SKP1: variants seen among roughly 807,000 people sequenced by gnomAD.
SKP1 encodes S-phase kinase associated protein 1.
In SKP1, 1 loss-of-function variant was observed where a neutral mutation model predicts 21.5. The observed-to-expected ratio is 0.05, with a 90% CI of 0.02 to 0.22. SKP1 has a LOEUF of 0.22. Ranked by LOEUF, SKP1 falls within the 10% of genes least tolerant of loss-of-function variation. The pLI, the probability that SKP1 is intolerant of heterozygous loss-of-function variation, is 1.00. For missense variants in SKP1, 70 were observed against 192.0 expected, an observed-to-expected ratio of 0.36 and a Z score of 3.76; for synonymous variants, 59 against 59.3, an observed-to-expected ratio of 0.99 and a Z score of 0.03.
At chr5:134,171,671 G>A (rs188348475) in intron 2 of SKP1, among the ~76,000 whole-genome samples, 1 of 152,162 alleles carries the variant, frequency 6.6e-6, no homozygotes, top group Non-Finnish European at 1.5e-5. Flanking sequence ...ACTAAAAACC[G>A]TATTTTCACT....
At chr5:134,157,866 G>C in intron 5 of SKP1, 98 bp from the exon 6 acceptor site, 2 of 1,608,102 alleles carry the variant, frequency 1.2e-6, no homozygotes, top group African/African-American at 2.7e-5. Flanking sequence ...AGTGAGTTGA[G>C]TCAGAAGAAC....
intron 2 of SKP1, among the ~76,000 whole-genome samples, chr5:134,169,739 C>T (rs913534134): frequency 6.6e-6 from 1 of 152,194 alleles, no homozygotes; most frequent in Non-Finnish European, 1.5e-5. Flanking sequence ...TGGCGGCTCA[C>T]GCCTGTAATC....
chr5:134,163,370 G>T (rs560838588), intron 3 of SKP1, among the ~76,000 whole-genome samples: 2 of 151,918 alleles, frequency 1.3e-5, no homozygotes, highest in African/African-American at 2.4e-5. Flanking sequence ...TACTTTGTGG[G>T]GGGAGCAGTT....
chr5:134,159,641 G>A (rs560689645), intron 4 of SKP1, among the ~76,000 whole-genome samples: 16 of 151,588 alleles, frequency 1.1e-4, no homozygotes, highest in Admixed American at 3.9e-4. Context: ...TCCACCTCCC[G>A]GGTTCATGCC....
chr5:134,169,899 G>A (rs1402811074), intron 2 of SKP1, among the ~76,000 whole-genome samples: 3 of 152,242 alleles, frequency 2.0e-5, no homozygotes, highest in Non-Finnish European at 4.4e-5. Context: ...TACTCAGGAG[G>A]CTGAGGCAGA....
intron 3 of SKP1, among the ~76,000 whole-genome samples, chr5:134,162,882 G>A (rs988995037): frequency 6.6e-6 from 1 of 151,770 alleles, no homozygotes; most frequent in African/African-American, 2.4e-5. Context: ...AGAATAGCCT[G>A]GGCAATATAG....
chr5:134,168,111 A>T (rs1464983959), intron 2 of SKP1, among the ~76,000 whole-genome samples: 1 of 152,240 alleles, frequency 6.6e-6, no homozygotes, highest in Non-Finnish European at 1.5e-5. Flanking sequence ...GTGTGAGTAC[A>T]CAAATAAAGG....
At chr5:134,175,078 A>G (rs980112655) in intron 1 of SKP1, 2 of 152,200 alleles carry the variant, frequency 1.3e-5, no homozygotes, top group Admixed American at 6.5e-5. Context: ...CAAATCGCAT[A>G]TATTTTCCCA....
Position 134,151,500 on chromosome 5 carries a change from A to C in SKP1, c.*6233T>G, listed in dbSNP as rs989593066. 3.1e-6 allele frequency: 1 copy of C among 325,112 alleles called. No individual in the cohort carries two copies. The highest frequency in any genetic ancestry group is 2.2e-5 in the African/African-American group (1 of 45,276). The allele number at this position is 325,112 out of a possible 1,614,324, so 20.1% of individuals were successfully genotyped here. On this transcript the variant is annotated 3_prime_UTR_variant, in exon 6 of 6. Coordinates refer to ENST00000353411, the MANE Select transcript of SKP1 (RefSeq NM_170679.3). ...TACATTCAGGAAAGAAAGGACAAAT[A>C]AGAATTTTCACCAGATAGGTGGGAG...
chr5:134,174,060 G>C (rs749066476), intron 1 of SKP1, 38 bp from the exon 2 acceptor site: 67 of 1,263,732 alleles, frequency 5.3e-5, no homozygotes, highest in Non-Finnish European at 7.6e-5. Flanking sequence ...ATTTAAGAGA[G>C]AGAGTTCTAC....
Position 134,152,540 on chromosome 5 carries a change from A to G in SKP1, c.*5193T>C, listed in dbSNP as rs1156666764. 6.6e-6 allele frequency: 1 copy of G among 150,924 alleles called. No individual in the cohort carries two copies. The highest frequency in any genetic ancestry group is 1.5e-5 in the Non-Finnish European group (1 of 68,028). The allele number at this position is 150,924 out of a possible 1,614,324, so 9.3% of individuals were successfully genotyped here. On this transcript the variant is annotated 3_prime_UTR_variant, in exon 6 of 6. Transcript: ENST00000353411. ...ATTGGCTCATTAATCTGTTCTGTCC[A>G]GAAACTTTTTTTTTTTGAAACGGAG...
chr5:134,173,958 T>C lies in SKP1; in HGVS notation c.65A>G (p.Lys22Arg). 1 of 1,609,780 alleles carries C rather than the reference T, an allele frequency of 6.2e-7. No individual in the cohort carries two copies. The highest frequency in any genetic ancestry group is 1.3e-5 in the African/African-American group (1 of 74,952). ...EIFEVDVEIA[K>R]QSVTIKTMLE... ...CATGGTCTTAATAGTCACAGATTGT[T>C]TGGCAATTTCCACATCAACTTCAAA... The change falls in exon 2 of 6, where the codon AAA becomes AGA. Residue 22 changes from lysine to arginine, a missense_variant. Coordinates refer to ENST00000353411, the MANE Select transcript of SKP1 (RefSeq NM_170679.3).
At chr5:134,161,606 A>G (rs2149373924) in intron 3 of SKP1, 1 of 152,614 alleles carries the variant, frequency 6.6e-6, no homozygotes, top group Middle Eastern at 3.4e-3. Context: ...CAAGAAACTG[A>G]TACTAATTGT....
Position 134,151,209 on chromosome 5 carries a change from T to A in SKP1, c.*6524A>T, listed in dbSNP as rs1363701881. The A allele has an allele frequency of 6.6e-6, 1 of 152,534 alleles. No homozygotes were observed. The highest frequency in any genetic ancestry group is 1.5e-5 in the Non-Finnish European group (1 of 68,294). 9.4% of individuals were successfully genotyped at this position (152,534 alleles called of 1,614,324 possible). On this transcript the variant is annotated 3_prime_UTR_variant, in exon 6 of 6. Transcript: ENST00000353411. ...CTTTTTCATTCAAGTGTTCTCATTC[T>A]TTTATCTGAAGCCTAGTTCTTTCAG...
At chr5:134,173,469 C>A (rs180684975) in intron 2 of SKP1, 2 of 315,384 alleles carry the variant, frequency 6.3e-6, no homozygotes, top group African/African-American at 2.2e-5. Context: ...CCAGCCTGGA[C>A]AAGAGTGAGA....
intron 2 of SKP1, among the ~76,000 whole-genome samples, chr5:134,168,015 T>C (rs1008214696): frequency 1.3e-5 from 2 of 152,192 alleles, no homozygotes. Context: ...AAAAAGTACT[T>C]TACTTAGAAC....
At chr5:134,162,342 T>G (rs2284309) in intron 3 of SKP1, among the ~76,000 whole-genome samples, 2 of 152,100 alleles carry the variant, frequency 1.3e-5, no homozygotes, top group African/African-American at 4.8e-5. Flanking sequence ...TTCACCCACC[T>G]TGCCCTCCCA....
Position 134,157,624 on chromosome 5 carries a change from T to G in SKP1, c.*109A>C. 1.1e-6 allele frequency: 1 copy of G among 943,984 alleles called. No homozygotes were observed. Among genetic ancestry groups the G allele is most frequent in the South Asian group, 1.3e-5 (1 of 76,212 alleles). 58.5% of individuals were successfully genotyped at this position (943,984 alleles called of 1,614,324 possible). ...ACAATATTCTGCTAATACAATTGAC[T>G]TGCTGCTGCATTTGTCTACTGTTTG... On this transcript the variant is annotated 3_prime_UTR_variant, in exon 6 of 6. Transcript: ENST00000353411.
intron 1 of SKP1, among the ~76,000 whole-genome samples, chr5:134,176,457 C>T (rs1761548147): frequency 6.6e-6 from 1 of 152,176 alleles, no homozygotes; most frequent in Admixed American, 6.5e-5. Flanking sequence ...CAAGGGACCC[C>T]CATTCACAAC....
Sources: gnomAD v4.1 joint callset for allele counts (sites outside exome capture counted in the v4.1 genomes callset) on GRCh38, gnomAD v4.1.1 for gene constraint, MANE v1.5 for transcripts, NCBI Gene and HGNC (gene_info 2026-07-23, HGNC 2026-07-21) for gene names.